Variants in FMN1 observed in about 807,000 individuals in gnomAD.
The protein encoded by FMN1 is formin-1.
Under a neutral mutation model 132.4 loss-of-function variants are expected in FMN1, and 110 were observed. That is an observed-to-expected ratio of 0.83 (90% confidence interval 0.71 to 0.97). The LOEUF (loss-of-function observed/expected upper bound fraction) is 0.97. Ranked by LOEUF, FMN1 falls within the 50% of genes least tolerant of loss-of-function variation. The pLI is 0.00. For synonymous variants in FMN1, 722 were observed against 651.7 expected (o/e 1.11, Z -1.64); for missense variants, 1,792 against 1,705.3 (o/e 1.05, Z -0.90).
chr15:33,113,646 C>G (rs1386958258), intron 4 of FMN1, among the ~76,000 whole-genome samples: 3 of 152,092 alleles, frequency 2.0e-5, no homozygotes, highest in Admixed American at 2.0e-4. Context: ...CCTCATACCC[C>G]AATTTAAATA....
chr15:33,037,637 G>T (rs345886), intron 6 of FMN1, among the ~76,000 whole-genome samples: 87,318 of 152,028 alleles, frequency 0.57, 25,391 homozygotes, highest in Admixed American at 0.64. Flanking sequence ...TTTGTAGAAA[G>T]GAGCCAGCCA....
chr15:33,190,535 G>C (rs1454471393), intron 2 of FMN1, among the ~76,000 whole-genome samples: 2 of 152,148 alleles, frequency 1.3e-5, no homozygotes, highest in African/African-American at 4.8e-5. Flanking sequence ...CCTAGGCCTA[G>C]ATGAATGTGG....
rs1040294372 is a variant in FMN1 at position 33,153,712 on chromosome 15, C to T, written c.1203G>A (p.Gly401=). ...ACACACTAGAAATGGAGGCTGTTTC[C>T]CCGGCTGGCGACTGCGATGACCTAT... is the stretch of plus-strand genomic sequence containing the variant. ...QGDRSSQSPA[G]ETASISSVSA... The change falls in exon 4 of 21, where the codon GGG becomes GGA. Residue 401 remains glycine (G), a synonymous_variant. Transcript: ENST00000616417. The T allele has an allele frequency of 2.3e-5, 36 of 1,536,208 alleles. No individual in the cohort carries two copies. The highest frequency in any genetic ancestry group is 2.9e-5 in the Non-Finnish European group (33 of 1,146,968).
At chr15:32,828,066 G>A (rs571056853) in intron 17 of FMN1, among the ~76,000 whole-genome samples, 1 of 152,242 alleles carries the variant, frequency 6.6e-6, no homozygotes, top group Non-Finnish European at 1.5e-5. Context: ...GCCAAGGCAG[G>A]TGGATCACTT....
At chr15:32,904,505 C>T (rs1277611585) in intron 12 of FMN1, among the ~76,000 whole-genome samples, 3 of 152,046 alleles carry the variant, frequency 2.0e-5, no homozygotes. Flanking sequence ...GGGAGACCTC[C>T]TAGACCACAG....
At chr15:32,793,440 C>T (rs759819515) in intron 19 of FMN1, among the ~76,000 whole-genome samples, 3 of 152,076 alleles carry the variant, frequency 2.0e-5, no homozygotes, top group Non-Finnish European at 4.4e-5. Flanking sequence ...CCACCACACC[C>T]AGCCAAGTTT....
At chr15:33,003,369 A>G (rs1057092764) in intron 7 of FMN1, among the ~76,000 whole-genome samples, 1 of 152,172 alleles carries the variant, frequency 6.6e-6, no homozygotes, top group African/African-American at 2.4e-5. Context: ...ATACAAAATC[A>G]ATGTGCAAAA....
chr15:33,108,134 T>G (rs1039312087), intron 4 of FMN1, among the ~76,000 whole-genome samples: 1 of 151,858 alleles, frequency 6.6e-6, no homozygotes, highest in African/African-American at 2.4e-5. Flanking sequence ...GGTGGTGGGG[T>G]GTGTGTGTGT....
In FMN1 at chr15:32,981,543, A is replaced by AATTATTATT. The variant is rs3081379; in HGVS notation, c.2224-12075_2224-12067dup. ...AAATAATAATAATAATAATAATAATAATTATTATTATTATTATTATTACAT... is the reference window on the plus strand; with the variant it reads ...AAATAATAATAATAATAATAATAATAATTATTATTATTATTATTATTATTATTATTACAT... On this transcript the variant is annotated intron_variant, in intron 7 of 20. Coordinates refer to ENST00000616417, the MANE Select transcript of FMN1 (RefSeq NM_001277313.2). 2.6e-3 allele frequency among the ~76,000 whole-genome samples: 356 copies of AATTATTATT among 138,392 alleles called. 1 individual carries two copies. Among genetic ancestry groups the AATTATTATT allele is most frequent in the African/African-American group, 8.1e-3 (303 of 37,296 alleles). The allele number at this position is 138,392 out of a possible 152,430, so 90.8% of individuals were successfully genotyped here. A position where few individuals can be genotyped will look rare whatever the true frequency, so the allele number is the denominator to read the frequency against.
Position 32,798,870 on chromosome 15 carries a change from C to T in FMN1, c.4064G>A (p.Trp1355Ter). 6.2e-7 allele frequency: 1 copy of T among 1,613,632 alleles called. No homozygotes were observed. Among genetic ancestry groups the T allele is most frequent in the Non-Finnish European group, 8.5e-7 (1 of 1,179,722 alleles). Residue 1355 changes from tryptophan (W) to a stop codon, truncating the protein, a stop_gained, in exon 19 of 21, where the codon TGG (tryptophan) becomes TAG (stop). Transcript: ENST00000616417. LOFTEE classifies it high-confidence loss of function. ...EITPSYVFMV[W>*]YEFCSDFKTI... ...CTTGAAGTCACTGCAGAACTCATAC[C>T]ACACCATAAACACGTAGCTGGGTGT...
chr15:32,963,958 T>G, intron 9 of FMN1, 149 bp downstream of exon 9: 1 of 419,844 alleles, frequency 2.4e-6, no homozygotes, highest in Non-Finnish European at 4.2e-6. Flanking sequence ...GAATATGTAA[T>G]AAATTCCTAT....
In FMN1 at chr15:33,066,828, T is replaced by C. The variant is rs1034332019; in HGVS notation, c.2044-1754A>G. 9.9e-6 allele frequency: 16 copies of C among 1,613,990 alleles called. No homozygotes were observed. The Admixed American group carries it at 1.2e-4, about 12-fold the overall frequency. On this transcript the variant is annotated intron_variant, in intron 5 of 20. Coordinates refer to ENST00000616417, the MANE Select transcript of FMN1 (RefSeq NM_001277313.2). ...GCTCCCTTCGGTTCAGTTTTGGGCA[T>C]GTCAATGTTGAGCAGCAGAGAGAGC... is the stretch of plus-strand genomic sequence containing the variant.
At chr15:32,878,344 G>A (rs1836050783) in intron 16 of FMN1, among the ~76,000 whole-genome samples, 1 of 152,184 alleles carries the variant, frequency 6.6e-6, no homozygotes, top group Non-Finnish European at 1.5e-5. Flanking sequence ...GATTCCAAGA[G>A]GAATGAAGAT....
intron 7 of FMN1, among the ~76,000 whole-genome samples, chr15:32,997,355 T>A (rs1596432721): frequency 6.6e-6 from 1 of 151,706 alleles, no homozygotes; most frequent in African/African-American, 2.4e-5. Context: ...GGGGAACTTG[T>A]GCAGATCATC....
intron 4 of FMN1, among the ~76,000 whole-genome samples, chr15:33,141,026 A>C (rs1963988763): frequency 6.6e-6 from 1 of 151,992 alleles, no homozygotes; most frequent in Admixed American, 6.5e-5. Context: ...TCTTTTATTA[A>C]TTGATATGAT....
intron 16 of FMN1, among the ~76,000 whole-genome samples, chr15:32,862,192 G>A (rs2059284980): frequency 1.3e-5 from 2 of 152,016 alleles, no homozygotes; most frequent in Non-Finnish European, 1.5e-5. Flanking sequence ...AAGGAGAGAG[G>A]TCATGGACAG....
At chr15:32,936,207 A>G (rs1207207975) in intron 9 of FMN1, among the ~76,000 whole-genome samples, 1 of 152,146 alleles carries the variant, frequency 6.6e-6, no homozygotes. Context: ...ATTCATATAC[A>G]TCTGTGTCTT....
At chr15:32,897,507 A>C (rs550782185) in intron 15 of FMN1, among the ~76,000 whole-genome samples, 5 of 152,368 alleles carry the variant, frequency 3.3e-5, no homozygotes, top group Admixed American at 2.6e-4. Flanking sequence ...GGAGAACATC[A>C]GAAGTAAAAA....
At chr15:32,940,918 A>G (rs1338107354) in intron 9 of FMN1, among the ~76,000 whole-genome samples, 2 of 152,174 alleles carry the variant, frequency 1.3e-5, no homozygotes, top group Admixed American at 6.5e-5. Flanking sequence ...TTTGATTGTT[A>G]GACGTTAGTG....
Sources: gnomAD v4.1 joint callset for allele counts (sites outside exome capture counted in the v4.1 genomes callset) on GRCh38, gnomAD v4.1.1 for gene constraint, MANE v1.5 for transcripts, NCBI Gene and HGNC (gene_info 2026-07-23, HGNC 2026-07-21) for gene names.